The following ETS1 variants were observed in gnomAD, a reference collection of about 807,000 sequenced individuals.
ETS1 encodes the protein protein C-ets-1.
A neutral mutation model predicts 58.6 loss-of-function variants in ETS1; 15 were observed. That is an observed-to-expected ratio of 0.26 (90% CI 0.17 to 0.39). The LOEUF (loss-of-function observed/expected upper bound fraction) is 0.39, where lower values mean the gene tolerates loss of function less well. ETS1 is among the 10% of genes least tolerant of loss of function. ETS1 has a pLI of 1.00. For synonymous variants in ETS1, 214 were observed against 218.2 expected (o/e 0.98, Z 0.17); for missense variants, 417 against 610.5 (o/e 0.68, Z 3.34).
intron 2 of ETS1, among the ~76,000 whole-genome samples, chr11:128,560,029 C>T (rs1158688383): frequency 6.6e-6 from 1 of 152,244 alleles, no homozygotes; most frequent in East Asian, 1.9e-4. Flanking sequence ...ACTCACCCAT[C>T]CCACAGGTGA....
intron 5 of ETS1, among the ~76,000 whole-genome samples, chr11:128,487,826 GC>G (rs1408192215): frequency 6.6e-6 from 1 of 152,050 alleles, no homozygotes; most frequent in Non-Finnish European, 1.5e-5. Context: ...TGAAGAAATC[GC>G]CTACCCTGAG....
At position 128,535,905 on chromosome 11, in the gene ETS1, C is replaced by T. The variant is rs915735296; in HGVS notation, c.214+20386G>A. ...TGTATCAGTAAGAGTTTGCAACCTC[C>T]AACCTGAGATGAAGCAAGCAAACAT... On this transcript the variant is annotated intron_variant, in intron 3 of 9. Transcript: ENST00000392668. 2.6e-5 allele frequency among the ~76,000 whole-genome samples: 4 copies of T among 152,144 alleles called. No homozygotes were observed. In the East Asian group the frequency reaches 7.7e-4, roughly 29 times the overall value.
rs753913610 is a variant in ETS1 at position 128,484,826 on chromosome 11, G to A, written c.859C>T (p.Arg287Cys). Residue 287 changes from arginine to cysteine, a missense_variant, in exon 7 of 10, where the codon CGT becomes TGT. By Grantham distance (180) the Arg-to-Cys change is radical. This residue lies in a region of ETS1 where 139 missense variants were observed against 152.1 expected (regional missense o/e 0.91). Coordinates refer to ENST00000392668, the MANE Select transcript of ETS1 (RefSeq NM_001143820.2). ...TTAGAGAAGAAATATGACCTACCACGACTGGTCCTCCCCATGCACATGTTG... is the reference window on the plus strand; with the variant it reads ...TTAGAGAAGAAATATGACCTACCACAACTGGTCCTCCCCATGCACATGTTG... ...PDNMCMGRTS[R>C]GKLGGQDSFE... The A allele has an allele frequency of 8.7e-6, 14 of 1,613,266 alleles. No homozygotes were observed. In the East Asian group the frequency reaches 8.9e-5, roughly 10 times the overall value.
At chr11:128,576,382 G>A (rs1028461380) in intron 1 of ETS1, among the ~76,000 whole-genome samples, 1 of 151,948 alleles carries the variant, frequency 6.6e-6, no homozygotes, top group Non-Finnish European at 1.5e-5. Flanking sequence ...TGGCTTTTTG[G>A]CAAAAGAGAA....
chr11:128,556,639 T>C (rs1277278966), intron 2 of ETS1, among the ~76,000 whole-genome samples: 3 of 152,224 alleles, frequency 2.0e-5, no homozygotes, highest in Non-Finnish European at 4.4e-5. Context: ...ACTCAGACTA[T>C]GTATGAATTT....
At position 128,463,933 on chromosome 11, in the gene ETS1, C is replaced by T. The variant is rs1021065864; in HGVS notation, c.1124-306G>A. ...AGAAAGAGAACACTGTGCCTATCCT[C>T]TGGGATATTCTAAGGCAGCATAATC... On this transcript the variant is annotated intron_variant, in intron 8 of 9. Coordinates refer to ENST00000392668, the MANE Select transcript of ETS1 (RefSeq NM_001143820.2). This position sits in a 1 kb window ranked among gnomAD's most constrained non-coding sequence, Gnocchi z 4.1. 9.9e-6 allele frequency: 2 copies of T among 202,778 alleles called. No individual in the cohort carries two copies. The highest frequency in any genetic ancestry group is 2.3e-5 in the African/African-American group (1 of 42,888). The allele number at this position is 202,778 out of a possible 1,614,324, so 12.6% of individuals were successfully genotyped here.
chr11:128,488,630 G>A (rs1463143509), intron 5 of ETS1, among the ~76,000 whole-genome samples: 1 of 152,174 alleles, frequency 6.6e-6, no homozygotes, highest in African/African-American at 2.4e-5. Flanking sequence ...ACCCAAGTTT[G>A]CCGCCTGCTG....
At position 128,463,047 on chromosome 11, in the gene ETS1, A is replaced by G. The variant is rs1478125125; in HGVS notation, c.1242+462T>C. On this transcript the variant is annotated intron_variant, in intron 9 of 9. Transcript: ENST00000392668. The surrounding 1 kb of genome is among the most constrained non-coding windows in gnomAD (Gnocchi z 4.1). Reference sequence around the variant, plus strand: ...AATATTTTCTCATGTCTGCCAGAACAAAGATGTTGTCTCTCCTGTTCATTG... The same window carrying G: ...AATATTTTCTCATGTCTGCCAGAACGAAGATGTTGTCTCTCCTGTTCATTG... 6.6e-6 allele frequency among the ~76,000 whole-genome samples: 1 copy of G among 152,216 alleles called. No individual in the cohort carries two copies. Among genetic ancestry groups the G allele is most frequent in the Non-Finnish European group, 1.5e-5 (1 of 68,036 alleles).
At chr11:128,539,408 A>G (rs1283772748) in intron 3 of ETS1, among the ~76,000 whole-genome samples, 2 of 152,250 alleles carry the variant, frequency 1.3e-5, no homozygotes, top group African/African-American at 4.8e-5. Context: ...CATTTCTCCA[A>G]AGAAGGTATA....
At chr11:128,493,109 G>T (rs1033161050) in intron 3 of ETS1, among the ~76,000 whole-genome samples, 1 of 152,168 alleles carries the variant, frequency 6.6e-6, no homozygotes, top group African/African-American at 2.4e-5. Flanking sequence ...CACAGGCCAG[G>T]CCAAATGGAC....
rs989888840 is a variant in ETS1 at position 128,464,946 on chromosome 11, T to C, written c.1124-1319A>G. Among the ~76,000 whole-genome samples the C allele has an allele frequency of 6.6e-6, 1 of 152,294 alleles. No homozygotes were observed. Among genetic ancestry groups the C allele is most frequent in the African/African-American group, 2.4e-5 (1 of 41,552 alleles). Reference sequence around the variant, plus strand: ...AGTGGTCTTACGGCTTCCTTTCTAATGGTGCAGAAAAAGTGCTCAGCAAAG... The same window carrying C: ...AGTGGTCTTACGGCTTCCTTTCTAACGGTGCAGAAAAAGTGCTCAGCAAAG... On this transcript the variant is annotated intron_variant, in intron 8 of 9. Coordinates refer to ENST00000392668, the MANE Select transcript of ETS1 (RefSeq NM_001143820.2). This position sits in a 1 kb window ranked among gnomAD's most constrained non-coding sequence, Gnocchi z 4.1.
At chr11:128,566,165 C>T (rs540474823) in intron 2 of ETS1, among the ~76,000 whole-genome samples, 1 of 152,300 alleles carries the variant, frequency 6.6e-6, no homozygotes, top group South Asian at 2.1e-4. Flanking sequence ...AAGGAGGTTT[C>T]CCAATGAGGA....
intron 2 of ETS1, among the ~76,000 whole-genome samples, chr11:128,558,977 G>A (rs1348811562): frequency 6.6e-6 from 1 of 152,164 alleles, no homozygotes; most frequent in African/African-American, 2.4e-5. Context: ...TAGGAATAGG[G>A]TCTTGAGTGA....
chr11:128,526,893 T>C, intron 3 of ETS1: 1 of 455,882 alleles, frequency 2.2e-6, no homozygotes, highest in Middle Eastern at 3.3e-4. Flanking sequence ...TTACCAGAGG[T>C]GAAAAATGAG....
rs568094885 is a variant in ETS1 at position 128,556,426 on chromosome 11, G to A, written c.79C>T (p.Pro27Ser). The change falls in exon 3 of 10, where the codon CCT (proline) becomes TCT (serine). Residue 27 changes from proline (P) to serine (S), a missense_variant. Pro to Ser is a moderately conservative substitution (Grantham distance 74, BLOSUM62 -1). Around this residue, in one of 4 missense-constraint regions of ETS1, gnomAD observed 90 missense variants for 90.3 expected, o/e 1.00. Coordinates refer to ENST00000392668, the MANE Select transcript of ETS1 (RefSeq NM_001143820.2). ...CGAGGATCTTCATAAGTGTTGCTAG[G>A]TCCTTGCCTCTGTGCAAGAAAAAAT... Reference protein sequence around the residue: ...APRPAVVRQGPSNTYEDPRMN... With the variant: ...APRPAVVRQGSSNTYEDPRMN... 55 of 1,603,034 alleles carry A rather than the reference G, an allele frequency of 3.4e-5. No individual in the cohort carries two copies. Among genetic ancestry groups the A allele is most frequent in the Admixed American group, 1.2e-4 (7 of 56,890 alleles).
chr11:128,559,485 C>T (rs928673018), intron 2 of ETS1, among the ~76,000 whole-genome samples: 3 of 152,144 alleles, frequency 2.0e-5, no homozygotes, highest in East Asian at 1.9e-4. Context: ...TTGGTCAACA[C>T]GTTTTTTATT....
rs1445525979 is a variant in ETS1 at position 128,461,374 on chromosome 11, G to A, written c.*987C>T. 6.5e-6 allele frequency: 1 copy of A among 152,696 alleles called. No homozygotes were observed. Among genetic ancestry groups the A allele is most frequent in the Non-Finnish European group, 1.5e-5 (1 of 68,034 alleles). 9.5% of individuals were successfully genotyped at this position (152,696 alleles called of 1,614,324 possible). A position where few individuals can be genotyped will look rare whatever the true frequency, so the allele number is the denominator to read the frequency against. The stretch of plus-strand genomic sequence containing the variant: ...CGATCTCCCTTCCAGGACTTCAACA[G>A]TGCTCCTACGTTTACTGTCGTCCAA... On this transcript the variant is annotated 3_prime_UTR_variant, in exon 10 of 10. Coordinates refer to ENST00000392668, the MANE Select transcript of ETS1 (RefSeq NM_001143820.2).
chr11:128,497,065 T>C (rs1355202914), intron 3 of ETS1, among the ~76,000 whole-genome samples: 1 of 152,180 alleles, frequency 6.6e-6, no homozygotes, highest in Non-Finnish European at 1.5e-5. Context: ...TCATATGAGT[T>C]AGGAAACATA....
chr11:128,575,733 G>A (rs541861878), intron 1 of ETS1, among the ~76,000 whole-genome samples: 1 of 152,352 alleles, frequency 6.6e-6, no homozygotes, highest in South Asian at 2.1e-4. Flanking sequence ...TCTGCTGGGT[G>A]CAGGGAATAG....
Sources: gnomAD v4.1 joint callset for allele counts (sites outside exome capture counted in the v4.1 genomes callset) on GRCh38, gnomAD v4.1.1 for gene constraint, gnomAD v4.1.1 regional missense constraint, Gnocchi (gnomAD v3.1) non-coding constraint, MANE v1.5 for transcripts, NCBI Gene and HGNC (gene_info 2026-07-23, HGNC 2026-07-21) for gene names.